DHRSX: variants seen among roughly 807,000 people sequenced by gnomAD.
The protein encoded by DHRSX is dehydrogenase/reductase X-linked.
DHRSX carries 31 observed loss-of-function variants against 34.0 expected under a neutral mutation model. That is an observed-to-expected ratio of 0.91 (90% CI 0.69 to 1.23). The LOEUF (loss-of-function observed/expected upper bound fraction) is 1.23, where lower values mean the gene tolerates loss of function less well. Among genes scored for constraint, DHRSX ranks in the 50% most tolerant of loss-of-function variants. The pLI is 0.00. For synonymous variants in DHRSX, 201 were observed against 183.8 expected (o/e 1.09, Z -0.76); for missense variants, 414 against 428.1 (o/e 0.97, Z 0.29).
At chrX:2,265,862 T>A (rs2041455127) in intron 5 of DHRSX, among the ~76,000 whole-genome samples, 1 of 136,754 alleles carries the variant, frequency 7.3e-6, no homozygotes, top group Non-Finnish European at 1.6e-5. Context: ...GGGAGCACCG[T>A]CCCCAGAGCA....
At chrX:2,357,105 A>G (rs1435429933) in intron 3 of DHRSX, among the ~76,000 whole-genome samples, 2 of 152,070 alleles carry the variant, frequency 1.3e-5, no homozygotes, top group African/African-American at 2.4e-5. Context: ...TTAGCCAGGC[A>G]TGGTGGCGTG....
At chrX:2,383,817 A>T (rs1386306738) in intron 3 of DHRSX, among the ~76,000 whole-genome samples, 3 of 152,224 alleles carry the variant, frequency 2.0e-5, no homozygotes, top group Non-Finnish European at 4.4e-5. Context: ...CATGCTATAA[A>T]AGCTGAGAAG....
At chrX:2,231,526 C>T (rs1184055604) in intron 6 of DHRSX, among the ~76,000 whole-genome samples, 1 of 148,392 alleles carries the variant, frequency 6.7e-6, no homozygotes, top group Admixed American at 6.8e-5. Context: ...CCCCCTTATC[C>T]TCCTCCTATT....
intron 1 of DHRSX, among the ~76,000 whole-genome samples, chrX:2,429,561 C>T (rs1256134668): frequency 6.6e-6 from 1 of 151,916 alleles, no homozygotes; most frequent in Non-Finnish European, 1.5e-5. Context: ...GATCCTCCTG[C>T]CTCAGCCTCC....
intron 1 of DHRSX, among the ~76,000 whole-genome samples, chrX:2,455,678 T>C (rs1465306202): frequency 6.8e-6 from 1 of 147,744 alleles, no homozygotes; most frequent in Admixed American, 6.9e-5. Context: ...GAGACGGAGG[T>C]TGCAGTGAGC....
intron 3 of DHRSX, among the ~76,000 whole-genome samples, chrX:2,367,453 A>G (rs1166535034): frequency 6.6e-6 from 1 of 151,686 alleles, no homozygotes; most frequent in Non-Finnish European, 1.5e-5. Context: ...AAAAGAAAAA[A>G]GAAAAAAAAA....
chrX:2,312,403 G>A (rs778021481), intron 3 of DHRSX, among the ~76,000 whole-genome samples: 1 of 152,224 alleles, frequency 6.6e-6, no homozygotes, highest in Admixed American at 6.6e-5. Flanking sequence ...CATAAAAAAG[G>A]ATGAGTTCAT....
chrX:2,475,299 A>C (rs34821866), intron 1 of DHRSX, among the ~76,000 whole-genome samples: 1 of 143,818 alleles, frequency 7.0e-6, no homozygotes, highest in African/African-American at 2.7e-5. Flanking sequence ...CATGTGGCTA[A>C]GGGACTGCCA....
intron 1 of DHRSX, chrX:2,489,803 G>A (rs773241984): frequency 3.1e-6 from 5 of 1,613,384 alleles, no homozygotes; most frequent in Admixed American, 1.7e-5. Context: ...CCCCAGCTTC[G>A]GGAGCTGGAA....
chrX:2,338,782 C>T (rs1251954929), intron 3 of DHRSX, among the ~76,000 whole-genome samples: 3 of 151,984 alleles, frequency 2.0e-5, no homozygotes, highest in African/African-American at 4.8e-5. Flanking sequence ...CCAAATAAAC[C>T]TCTTTCCTCT....
At chrX:2,336,858 TA>T (rs2042573894) in intron 3 of DHRSX, among the ~76,000 whole-genome samples, 1 of 151,928 alleles carries the variant, frequency 6.6e-6, no homozygotes, top group Non-Finnish European at 1.5e-5. Flanking sequence ...TATAGATAGA[TA>T]GATTTATTTT....
At position 2,454,824 on chromosome X, in the gene DHRSX, T is replaced by C. The variant is rs1603115278; in HGVS notation, c.110-29520A>G. Among the ~76,000 whole-genome samples the C allele has an allele frequency of 2.0e-5, 3 of 152,112 alleles. 1 individual carries two copies. The South Asian group carries it at 6.2e-4, about 32-fold the overall frequency. ...AATACTATGCACCCATGAAAAAGAA[T>C]GGGATTGGTTGGGCGTGGTGGCTCA... On this transcript the variant is annotated intron_variant, in intron 1 of 6. Coordinates refer to ENST00000334651, the MANE Select transcript of DHRSX (RefSeq NM_145177.3).
At chrX:2,292,967 G>A (rs1352342571) in intron 3 of DHRSX, among the ~76,000 whole-genome samples, 2 of 152,014 alleles carry the variant, frequency 1.3e-5, no homozygotes, top group Non-Finnish European at 2.9e-5. Context: ...TTATGTTTTT[G>A]GAGACAGGGT....
At chrX:2,442,868 A>G (rs2044080293) in intron 1 of DHRSX, among the ~76,000 whole-genome samples, 1 of 152,132 alleles carries the variant, frequency 6.6e-6, no homozygotes, top group African/African-American at 2.4e-5. Context: ...CCAAGGAAAC[A>G]CAGCTTAAGG....
At chrX:2,416,194 C>T (rs1220814001) in intron 2 of DHRSX, among the ~76,000 whole-genome samples, 2 of 151,682 alleles carry the variant, frequency 1.3e-5, no homozygotes, top group African/African-American at 4.8e-5. Flanking sequence ...CTCATTATAG[C>T]CTAACTAAGT....
intron 1 of DHRSX, among the ~76,000 whole-genome samples, chrX:2,457,010 G>C (rs781671235): frequency 6.6e-6 from 1 of 152,240 alleles, no homozygotes; most frequent in South Asian, 2.1e-4. Flanking sequence ...GCCACGTGCA[G>C]AGAGGAGCAG....
chrX:2,410,253 G>T (rs2043608516), intron 2 of DHRSX, among the ~76,000 whole-genome samples: 1 of 152,112 alleles, frequency 6.6e-6, no homozygotes, highest in Non-Finnish European at 1.5e-5. Flanking sequence ...TGCTTTCCAG[G>T]GTGAGCCAAG....
intron 1 of DHRSX, among the ~76,000 whole-genome samples, chrX:2,454,228 A>G (rs1336821740): frequency 6.6e-6 from 1 of 152,092 alleles, no homozygotes; most frequent in Non-Finnish European, 1.5e-5. Context: ...TTATGTGCTC[A>G]AGGTGTATCC....
At chrX:2,282,670 A>C (rs1394993914) in intron 4 of DHRSX, among the ~76,000 whole-genome samples, 5 of 129,376 alleles carry the variant, frequency 3.9e-5, no homozygotes, top group Non-Finnish European at 6.6e-5. Flanking sequence ...GAATGGGAGA[A>C]AAGGAGAGAG....
Sources: allele counts gnomAD v4.1 joint callset (sites outside exome capture counted in the v4.1 genomes callset), GRCh38; gene constraint gnomAD v4.1.1; transcripts MANE v1.5; gene names NCBI Gene and HGNC (gene_info 2026-07-23, HGNC 2026-07-21).